Variants in SGCZ observed in about 807,000 individuals in gnomAD.
The protein encoded by SGCZ is sarcoglycan zeta.
Under a neutral mutation model 41.3 loss-of-function variants are expected in SGCZ, and 40 were observed. The observed-to-expected ratio is 0.97, with a 90% CI of 0.75 to 1.26. The LOEUF (loss-of-function observed/expected upper bound fraction) is 1.26, where lower values mean the gene tolerates loss of function less well. SGCZ is among the 50% of genes most tolerant of loss of function. The pLI, the probability that SGCZ is intolerant of heterozygous loss-of-function variation, is 0.00. For missense variants in SGCZ, 552 were observed against 369.8 expected (o/e 1.49, Z -4.04); for synonymous variants, 206 against 137.5 (o/e 1.50, Z -3.49).
intron 3 of SGCZ, among the ~76,000 whole-genome samples, chr8:14,255,214 G>A (rs1406865107): frequency 6.6e-6 from 1 of 152,036 alleles, no homozygotes; most frequent in Non-Finnish European, 1.5e-5. Flanking sequence ...ATACTCCCAG[G>A]AATCATTCCA....
At chr8:14,780,145 C>T (rs947664042) in intron 1 of SGCZ, among the ~76,000 whole-genome samples, 1 of 151,830 alleles carries the variant, frequency 6.6e-6, no homozygotes, top group East Asian at 1.9e-4. Context: ...AGGCAGAGGC[C>T]GGGCGGATCA....
intron 2 of SGCZ, among the ~76,000 whole-genome samples, chr8:14,381,818 C>A (rs1386994441): frequency 6.6e-6 from 1 of 151,634 alleles, no homozygotes; most frequent in African/African-American, 2.4e-5. Flanking sequence ...AACAAACAAA[C>A]AAAAAACTTT....
At chr8:14,998,408 T>C (rs1802295274) in intron 1 of SGCZ, among the ~76,000 whole-genome samples, 1 of 152,234 alleles carries the variant, frequency 6.6e-6, no homozygotes, top group African/African-American at 2.4e-5. Context: ...AGTTTATATA[T>C]ACATTTGTTA....
chr8:14,303,683 T>C (rs540421119), intron 3 of SGCZ, among the ~76,000 whole-genome samples: 1 of 152,132 alleles, frequency 6.6e-6, no homozygotes, highest in African/African-American at 2.4e-5. Context: ...TGGTTTTTAG[T>C]GAAAATATTA....
rs536724946 is a variant in SGCZ at position 14,627,865 on chromosome 8, G to T, written c.40-72939C>A. Among the ~76,000 whole-genome samples the T allele has an allele frequency of 7.2e-5, 11 of 152,156 alleles. No individual in the cohort carries two copies. In the South Asian group the frequency reaches 1.0e-3, roughly 14 times the overall value. Reference sequence around the variant, plus strand: ...GGATGTCTATTGACTTATTTCAGGAGTATTAACATGTTTAAATGGAAAAGC... The same window carrying T: ...GGATGTCTATTGACTTATTTCAGGATTATTAACATGTTTAAATGGAAAAGC... On this transcript the variant is annotated intron_variant, in intron 1 of 7. Transcript: ENST00000382080.
At chr8:14,807,551 C>T (rs952096411) in intron 1 of SGCZ, among the ~76,000 whole-genome samples, 2 of 151,630 alleles carry the variant, frequency 1.3e-5, no homozygotes, top group African/African-American at 4.8e-5. Context: ...TCAAGGAGAA[C>T]TACAAACCAC....
chr8:15,172,708 G>A (rs1188913065), intron 1 of SGCZ, among the ~76,000 whole-genome samples: 1 of 152,052 alleles, frequency 6.6e-6, no homozygotes, highest in Non-Finnish European at 1.5e-5. Flanking sequence ...AAATCTTCCT[G>A]GGATAGAATT....
intron 1 of SGCZ, among the ~76,000 whole-genome samples, chr8:14,666,259 G>C (rs1476864291): frequency 6.6e-6 from 1 of 152,172 alleles, no homozygotes; most frequent in Non-Finnish European, 1.5e-5. Context: ...AGTGTGTACA[G>C]TAATAAATGC....
At chr8:14,578,902 T>C (rs751952305) in intron 1 of SGCZ, among the ~76,000 whole-genome samples, 2 of 152,184 alleles carry the variant, frequency 1.3e-5, no homozygotes, top group Admixed American at 6.5e-5. Context: ...TGAAAATCTA[T>C]GTTTTTGTAT....
intron 2 of SGCZ, among the ~76,000 whole-genome samples, chr8:14,409,999 C>T (rs751839809): frequency 1.3e-5 from 2 of 152,112 alleles, no homozygotes; most frequent in Non-Finnish European, 2.9e-5. Flanking sequence ...AGTAACCCTC[C>T]ATGGCCTGTT....
Position 15,238,174 on chromosome 8 carries a change from T to C in SGCZ, c.-551A>G. 6.5e-6 allele frequency: 1 copy of C among 152,724 alleles called. No individual in the cohort carries two copies. Among genetic ancestry groups the C allele is most frequent in the Non-Finnish European group, 1.5e-5 (1 of 68,382 alleles). 9.5% of individuals were successfully genotyped at this position (152,724 alleles called of 1,614,324 possible). On this transcript the variant is annotated 5_prime_UTR_variant, in exon 1 of 8. Transcript: ENST00000382080. ...CGGCAAGATAACAGAATCCCCGAAG[T>C]CCTGCATAGACTTAAAAAATGTCTT...
intron 1 of SGCZ, among the ~76,000 whole-genome samples, chr8:15,016,255 T>C (rs1432239461): frequency 6.6e-6 from 1 of 152,074 alleles, no homozygotes; most frequent in Non-Finnish European, 1.5e-5. Flanking sequence ...AATTCCAATC[T>C]CTCTCACTGG....
intron 1 of SGCZ, among the ~76,000 whole-genome samples, chr8:14,564,072 T>C (rs1305055041): frequency 6.6e-6 from 1 of 152,178 alleles, no homozygotes; most frequent in Non-Finnish European, 1.5e-5. Flanking sequence ...TTCCCTGTTA[T>C]GGGAAATATG....
intron 2 of SGCZ, among the ~76,000 whole-genome samples, chr8:14,478,374 A>C (rs1801423214): frequency 6.6e-6 from 1 of 152,238 alleles, no homozygotes; most frequent in Non-Finnish European, 1.5e-5. Context: ...CAATCAAGAC[A>C]TAAAAATACA....
chr8:14,598,433 T>C (rs936114376), intron 1 of SGCZ, among the ~76,000 whole-genome samples: 23 of 152,070 alleles, frequency 1.5e-4, no homozygotes, highest in Non-Finnish European at 1.2e-4. Context: ...TCAGGAAAAA[T>C]TTTGTTTGTG....
At chr8:14,654,944 C>G (rs1807514691) in intron 1 of SGCZ, among the ~76,000 whole-genome samples, 1 of 152,024 alleles carries the variant, frequency 6.6e-6, no homozygotes, top group African/African-American at 2.4e-5. Flanking sequence ...GGACTACAGG[C>G]AGGAAGCCAC....
chr8:14,251,620 T>C (rs13267451), intron 3 of SGCZ, among the ~76,000 whole-genome samples: 101,762 of 152,046 alleles, frequency 0.67, 34,466 homozygotes, highest in South Asian at 0.78. Context: ...ACTAAACCCA[T>C]AACATTTTCA....
At chr8:14,422,224 A>C (rs1407715613) in intron 2 of SGCZ, among the ~76,000 whole-genome samples, 4 of 152,196 alleles carry the variant, frequency 2.6e-5, no homozygotes, top group Non-Finnish European at 5.9e-5. Context: ...CAGAAATACA[A>C]GATTAAATAA....
At chr8:15,101,146 T>C (rs909199076) in intron 1 of SGCZ, among the ~76,000 whole-genome samples, 4 of 152,158 alleles carry the variant, frequency 2.6e-5, no homozygotes, top group Admixed American at 2.0e-4. Context: ...CTATGAGACA[T>C]CTAAAAAATA....
Sources: allele counts gnomAD v4.1 joint callset (sites outside exome capture counted in the v4.1 genomes callset), GRCh38; gene constraint gnomAD v4.1.1; transcripts MANE v1.5; gene names NCBI Gene and HGNC (gene_info 2026-07-23, HGNC 2026-07-21).